The following DGKB variants were observed in gnomAD, a reference collection of about 807,000 sequenced individuals.
The protein encoded by DGKB is 90 kDa diacylglycerol kinase.
In DGKB, 67 loss-of-function variants were observed where a neutral mutation model predicts 114.3. That is an observed-to-expected ratio of 0.59 (90% CI 0.48 to 0.72). The LOEUF (loss-of-function observed/expected upper bound fraction) is 0.72. Among genes scored for constraint, DGKB ranks in the 30% least tolerant of loss-of-function variants. DGKB has a pLI of 0.00. For missense variants in DGKB, 907 were observed against 975.2 expected, an observed-to-expected ratio of 0.93 and a Z score of 0.93; for synonymous variants, 398 against 323.1, an observed-to-expected ratio of 1.23 and a Z score of -2.49.
intron 2 of DGKB, among the ~76,000 whole-genome samples, chr7:14,800,461 G>C (rs1351105618): frequency 6.6e-6 from 1 of 152,166 alleles, no homozygotes; most frequent in Non-Finnish European, 1.5e-5. Context: ...GGAGAGACTG[G>C]CCTAGCTTCC....
At chr7:14,524,526 C>T (rs935288680) in intron 20 of DGKB, among the ~76,000 whole-genome samples, 7 of 152,094 alleles carry the variant, frequency 4.6e-5, no homozygotes, top group East Asian at 1.9e-4. Context: ...GAGGCCAAGG[C>T]GGGTGGAGCA....
intron 1 of DGKB, among the ~76,000 whole-genome samples, chr7:14,852,493 A>AAAC (rs1849533264): frequency 6.8e-6 from 1 of 146,610 alleles, no homozygotes; most frequent in Admixed American, 6.7e-5. Context: ...AAGTCAAAAA[A>AAAC]AAAACAGAAA....
intron 12 of DGKB, among the ~76,000 whole-genome samples, chr7:14,675,036 G>T (rs1393151862): frequency 1.3e-5 from 2 of 152,136 alleles, no homozygotes; most frequent in Non-Finnish European, 2.9e-5. Flanking sequence ...CTGCACTATG[G>T]ATGTCACAGA....
chr7:14,878,280 T>G (rs1271816248), intron 1 of DGKB, among the ~76,000 whole-genome samples: 2 of 152,324 alleles, frequency 1.3e-5, no homozygotes, highest in Non-Finnish European at 2.9e-5. Flanking sequence ...TAGAGTAAAA[T>G]TTTTACTGAC....
Position 14,560,850 on chromosome 7 carries a change from C to A in DGKB, c.1770+13362G>T, listed in dbSNP as rs1796553718. ...TGCAGGAGTCCCAATTTCTCCAAAT[C>A]TTCACAATCACCTGTTGTTTCTGAC... On this transcript the variant is annotated intron_variant, in intron 20 of 25. Transcript: ENST00000402815. Among the ~76,000 whole-genome samples the A allele has an allele frequency of 2.6e-5, 4 of 152,314 alleles. No individual in the cohort carries two copies. In the South Asian group the frequency reaches 6.2e-4, roughly 24 times the overall value.
intron 23 of DGKB, among the ~76,000 whole-genome samples, chr7:14,336,595 C>A (rs1284274449): frequency 6.6e-6 from 1 of 152,058 alleles, no homozygotes; most frequent in Non-Finnish European, 1.5e-5. Flanking sequence ...TCTAATAGTT[C>A]CACAGTAGAA....
At chr7:14,783,621 A>G (rs546110836) in intron 2 of DGKB, among the ~76,000 whole-genome samples, 2 of 152,344 alleles carry the variant, frequency 1.3e-5, no homozygotes, top group East Asian at 1.9e-4. Flanking sequence ...TAAAACTCCA[A>G]TACAAGAATT....
intron 23 of DGKB, among the ~76,000 whole-genome samples, chr7:14,241,184 T>G (rs889669486): frequency 1.3e-5 from 2 of 152,266 alleles, no homozygotes; most frequent in Admixed American, 1.3e-4. Context: ...TCATTATTGT[T>G]ATTGTTATGA....
chr7:14,687,067 G>T (rs1365390389), intron 9 of DGKB, among the ~76,000 whole-genome samples: 1 of 152,012 alleles, frequency 6.6e-6, no homozygotes, highest in African/African-American at 2.4e-5. Flanking sequence ...TTAAGTCAGG[G>T]TTTCCAAAAC....
intron 20 of DGKB, among the ~76,000 whole-genome samples, chr7:14,565,177 T>C (rs1797214166): frequency 6.6e-6 from 1 of 152,134 alleles, no homozygotes; most frequent in African/African-American, 2.4e-5. Context: ...TTACCCTCTT[T>C]TTCTACTGAA....
intron 1 of DGKB, among the ~76,000 whole-genome samples, chr7:14,942,441 A>G (rs1199277003): frequency 6.6e-6 from 1 of 151,912 alleles, no homozygotes; most frequent in Non-Finnish European, 1.5e-5. Context: ...TATTAATATT[A>G]ATCGCTTAAC....
intron 2 of DGKB, among the ~76,000 whole-genome samples, chr7:14,777,558 G>C (rs1479926934): frequency 6.6e-6 from 1 of 152,110 alleles, no homozygotes; most frequent in African/African-American, 2.4e-5. Flanking sequence ...CTTCCTCTTT[G>C]CTCTGCACTT....
chr7:14,843,627 C>A (rs992061080), intron 1 of DGKB, among the ~76,000 whole-genome samples: 1 of 152,170 alleles, frequency 6.6e-6, no homozygotes, highest in Non-Finnish European at 1.5e-5. Flanking sequence ...AGCCACCGCG[C>A]CCAGCCAATA....
chr7:14,915,680 A>C (rs192679055), intron 1 of DGKB, among the ~76,000 whole-genome samples: 1 of 152,276 alleles, frequency 6.6e-6, no homozygotes, highest in East Asian at 1.9e-4. Flanking sequence ...AAGTGTGGAA[A>C]GAAAAAAACC....
At chr7:14,469,606 C>T (rs2128884187) in intron 21 of DGKB, among the ~76,000 whole-genome samples, 1 of 151,946 alleles carries the variant, frequency 6.6e-6, no homozygotes, top group South Asian at 2.1e-4. Context: ...TTAATGGTGC[C>T]AAGAAATGAT....
At chr7:14,171,442 G>T (rs544809090) in intron 25 of DGKB, among the ~76,000 whole-genome samples, 3 of 152,228 alleles carry the variant, frequency 2.0e-5, no homozygotes, top group African/African-American at 4.8e-5. Context: ...TCATAAATGT[G>T]TCATGAGTAA....
rs571819101 is a variant in DGKB at position 14,551,284 on chromosome 7, A to G, written c.1770+22928T>C. Among the ~76,000 whole-genome samples the G allele has an allele frequency of 7.9e-5, 12 of 152,326 alleles. No individual in the cohort carries two copies. The South Asian group carries it at 1.7e-3, about 21-fold the overall frequency. On this transcript the variant is annotated intron_variant, in intron 20 of 25. Coordinates refer to ENST00000402815, the MANE Select transcript of DGKB (RefSeq NM_001350709.2). ...TTTCTTCCAGACTTAGAAGATTTCT[A>G]CAGTTAACATAGACCCAATTCTGAT...
intron 4 of DGKB, among the ~76,000 whole-genome samples, chr7:14,743,156 G>T (rs1369194260): frequency 6.6e-6 from 1 of 152,262 alleles, no homozygotes; most frequent in Admixed American, 6.5e-5. Flanking sequence ...GGATAGAATT[G>T]TCTATAAGGT....
intron 21 of DGKB, among the ~76,000 whole-genome samples, chr7:14,395,518 T>C (rs1216804327): frequency 6.6e-6 from 1 of 152,024 alleles, no homozygotes; most frequent in African/African-American, 2.4e-5. Flanking sequence ...TTATAGTTGC[T>C]TATTATAAGT....
Sources: allele counts gnomAD v4.1 joint callset (sites outside exome capture counted in the v4.1 genomes callset), GRCh38; gene constraint gnomAD v4.1.1; transcripts MANE v1.5; gene names NCBI Gene and HGNC (gene_info 2026-07-23, HGNC 2026-07-21).